The following GRID1 variants were observed in gnomAD, a reference collection of about 807,000 sequenced individuals.
GRID1 encodes glutamate receptor ionotropic, delta-1.
Under a neutral mutation model 98.0 loss-of-function variants are expected in GRID1, and 28 were observed. The observed-to-expected ratio is 0.29, with a 90% CI of 0.21 to 0.39. The LOEUF is 0.39. GRID1 is among the 10% of genes least tolerant of loss of function. The pLI, the probability that GRID1 is intolerant of heterozygous loss-of-function variation, is 1.00. For synonymous variants in GRID1, 553 were observed against 538.5 expected (o/e 1.03, Z -0.37); for missense variants, 1,111 against 1,340.5 (o/e 0.83, Z 2.67).
intron 2 of GRID1, among the ~76,000 whole-genome samples, chr10:86,296,976 C>A (rs983508840): frequency 1.3e-5 from 2 of 152,122 alleles, no homozygotes; most frequent in African/African-American, 2.4e-5. Context: ...GTAAAGAAAA[C>A]TACCAAACTT....
At chr10:85,953,759 TC>T (rs1352430062) in intron 4 of GRID1, among the ~76,000 whole-genome samples, 1 of 152,182 alleles carries the variant, frequency 6.6e-6, no homozygotes, top group Non-Finnish European at 1.5e-5. Flanking sequence ...GCATAATTCC[TC>T]CCCAGAACAA....
chr10:86,122,731 AT>A (rs1844694533), intron 4 of GRID1, among the ~76,000 whole-genome samples: 1 of 152,224 alleles, frequency 6.6e-6, no homozygotes, highest in Admixed American at 6.5e-5. Flanking sequence ...AGATAAATTT[AT>A]TTTTTCCTCA....
intron 4 of GRID1, among the ~76,000 whole-genome samples, chr10:86,122,003 C>G (rs533519783): frequency 6.6e-6 from 1 of 152,290 alleles, no homozygotes; most frequent in African/African-American, 2.4e-5. Flanking sequence ...CCCTGCAGGG[C>G]CTCAGTCTCT....
intron 2 of GRID1, among the ~76,000 whole-genome samples, chr10:86,276,688 C>T (rs535035805): frequency 2.0e-5 from 3 of 152,110 alleles, no homozygotes; most frequent in Admixed American, 2.0e-4. Context: ...CGGGGTTTCA[C>T]CATATTGGCC....
At chr10:85,888,142 T>C (rs1302395004) in intron 5 of GRID1, among the ~76,000 whole-genome samples, 5 of 152,214 alleles carry the variant, frequency 3.3e-5, no homozygotes, top group Non-Finnish European at 5.9e-5. Context: ...GTTTGAAAAG[T>C]AGTTCAGCTT....
chr10:86,169,731 A>G (rs974787485), intron 3 of GRID1, among the ~76,000 whole-genome samples: 2 of 152,138 alleles, frequency 1.3e-5, no homozygotes, highest in African/African-American at 4.8e-5. Flanking sequence ...AGCCAGTTCA[A>G]CTCAGGAGTC....
At chr10:86,305,591 G>A (rs1400551442) in intron 2 of GRID1, among the ~76,000 whole-genome samples, 1 of 152,136 alleles carries the variant, frequency 6.6e-6, no homozygotes, top group African/African-American at 2.4e-5. Flanking sequence ...GTGGGGAGGA[G>A]TGAGGGCCTC....
At chr10:85,692,094 C>A (rs1207188624) in intron 12 of GRID1, among the ~76,000 whole-genome samples, 2 of 152,130 alleles carry the variant, frequency 1.3e-5, no homozygotes, top group Admixed American at 6.5e-5. Context: ...TACATCTATT[C>A]TTTTCTTCTC....
At chr10:86,363,876 G>A in intron 2 of GRID1, 65 bp downstream of exon 2, 1 of 1,405,652 alleles carries the variant, frequency 7.1e-7, no homozygotes, top group South Asian at 1.2e-5. Flanking sequence ...AACCCCTCCG[G>A]TGCCCACTGC....
intron 8 of GRID1, among the ~76,000 whole-genome samples, chr10:85,816,727 G>T (rs1842719645): frequency 6.6e-6 from 1 of 150,794 alleles, no homozygotes; most frequent in Non-Finnish European, 1.5e-5. Context: ...TTGAGGTTCG[G>T]GTGTACATGT....
chr10:85,771,449 C>G lies in GRID1; in HGVS notation c.1234-41835G>C, dbSNP rs998939188. ...AAATAACCAGCTAACATCATAATGACAGGATCAAATTCACACATAACAATA... is the reference window on the plus strand; with the variant it reads ...AAATAACCAGCTAACATCATAATGAGAGGATCAAATTCACACATAACAATA... On this transcript the variant is annotated intron_variant, in intron 8 of 15. Coordinates refer to ENST00000327946, the MANE Select transcript of GRID1 (RefSeq NM_017551.3). Among the ~76,000 whole-genome samples, 34 of 152,160 alleles carry G rather than the reference C, an allele frequency of 2.2e-4. No individual in the cohort carries two copies. In the Middle Eastern group the frequency reaches 0.014, roughly 61 times the overall value.
chr10:86,102,714 C>T (rs758399264), intron 4 of GRID1, among the ~76,000 whole-genome samples: 26 of 152,144 alleles, frequency 1.7e-4, no homozygotes, highest in South Asian at 4.2e-4. Context: ...CATGTGGAAC[C>T]GTGAATCTAT....
At chr10:86,144,845 G>A (rs543131387) in intron 3 of GRID1, among the ~76,000 whole-genome samples, 3 of 152,102 alleles carry the variant, frequency 2.0e-5, no homozygotes, top group Non-Finnish European at 4.4e-5. Flanking sequence ...ATGTGCTAAG[G>A]AAGCCCACAT....
Position 85,856,332 on chromosome 10 carries a change from A to G in GRID1, c.952-142T>C, listed in dbSNP as rs180809017. The G allele has an allele frequency of 4.6e-4, 340 of 740,012 alleles. No individual in the cohort carries two copies. In the African/African-American group the frequency reaches 4.9e-3, roughly 11 times the overall value. 45.8% of individuals were successfully genotyped at this position (740,012 alleles called of 1,614,324 possible). A position where few individuals can be genotyped will look rare whatever the true frequency, so the allele number is the denominator to read the frequency against. ...ATCTATGCCAAGATCCTCGGCTTTT[A>G]GGTGTACTTTCAAAAACCCAGCCAG... On this transcript the variant is annotated intron_variant, in intron 6 of 15. Transcript: ENST00000327946.
chr10:86,174,653 A>G (rs974913870), intron 3 of GRID1, among the ~76,000 whole-genome samples: 27 of 152,014 alleles, frequency 1.8e-4, no homozygotes, highest in African/African-American at 5.8e-4. Context: ...GATCTAATTA[A>G]ACTAAAGAGC....
At chr10:85,874,541 T>C (rs1368326183) in intron 5 of GRID1, among the ~76,000 whole-genome samples, 7 of 152,226 alleles carry the variant, frequency 4.6e-5, no homozygotes, top group African/African-American at 1.7e-4. Flanking sequence ...TTCCACTGAG[T>C]TGGTTCTCTT....
intron 4 of GRID1, among the ~76,000 whole-genome samples, chr10:85,951,073 G>T (rs902437983): frequency 3.3e-5 from 5 of 152,050 alleles, no homozygotes; most frequent in African/African-American, 1.2e-4. Flanking sequence ...TCCTATCCCC[G>T]GTCATTGGAT....
chr10:86,148,792 T>C (rs1347760445), intron 3 of GRID1, among the ~76,000 whole-genome samples: 3 of 152,022 alleles, frequency 2.0e-5, no homozygotes, highest in Non-Finnish European at 4.4e-5. Flanking sequence ...GATTCAGAGA[T>C]TAGGAAAAGG....
intron 12 of GRID1, among the ~76,000 whole-genome samples, chr10:85,710,200 A>T (rs1209154787): frequency 1.3e-5 from 2 of 152,218 alleles, no homozygotes; most frequent in Admixed American, 1.3e-4. Context: ...TGAAGGTCTC[A>T]CATTTTATGA....
Sources: allele counts gnomAD v4.1 joint callset (sites outside exome capture counted in the v4.1 genomes callset), GRCh38; gene constraint gnomAD v4.1.1; transcripts MANE v1.5; gene names NCBI Gene and HGNC (gene_info 2026-07-23, HGNC 2026-07-21).